The following SEC24C variants were observed in gnomAD, a reference collection of about 807,000 sequenced individuals.
The protein encoded by SEC24C is protein transport protein Sec24C.
Under a neutral mutation model 117.0 loss-of-function variants are expected in SEC24C, and 22 were observed. The ratio of observed to expected loss-of-function variants is 0.19; its 90% confidence interval spans 0.13 to 0.27. SEC24C has a LOEUF of 0.27. Ranked by LOEUF, SEC24C falls within the 10% of genes least tolerant of loss-of-function variation. The pLI is 1.00. For synonymous variants in SEC24C, 506 were observed against 529.4 expected (o/e 0.96, Z 0.61); for missense variants, 1,155 against 1,375.1 (o/e 0.84, Z 2.53).
intron 8 of SEC24C, 127 bp from the exon 9 acceptor site, chr10:73,765,323 TC>T (rs2082865561): frequency 1.0e-6 from 1 of 953,662 alleles, no homozygotes; most frequent in South Asian, 1.7e-5. Context: ...ATCATTGTGC[TC>T]CCTACTCCCT....
At chr10:73,760,950 C>T (rs2082788237) in intron 6 of SEC24C, 101 bp downstream of exon 6, 1 of 1,296,306 alleles carries the variant, frequency 7.7e-7, no homozygotes, top group Middle Eastern at 2.0e-4. Flanking sequence ...GATAATTTTC[C>T]CTTTTTGTTC....
At position 73,766,799 on chromosome 10, in the gene SEC24C, G is replaced by C; in HGVS notation, c.1839G>C (p.Arg613Ser). Residue 613 changes from arginine (R) to serine (S), a missense_variant, in exon 13 of 23, where the codon AGG becomes AGC. Coordinates refer to ENST00000345254, the MANE Select transcript of SEC24C (RefSeq NM_198597.3). Reference sequence around the variant, plus strand: ...TTCCAGAAATGTTTGCAGACACAAGGGAAACAGAGACAGTATTTGTACCAG... The same window carrying C: ...TTCCAGAAATGTTTGCAGACACAAGCGAAACAGAGACAGTATTTGTACCAG... ...DQIPEMFADT[R>S]ETETVFVPVI... 1 of 1,614,200 alleles carries C rather than the reference G, an allele frequency of 6.2e-7. No individual in the cohort carries two copies.
Position 73,769,083 on chromosome 10 carries a change from G to T in SEC24C, c.2355G>T (p.Gly785=), listed in dbSNP as rs766982963. 62 of 1,614,110 alleles carry T rather than the reference G, an allele frequency of 3.8e-5. No homozygotes were observed. Among genetic ancestry groups the T allele is most frequent in the Non-Finnish European group, 5.2e-5 (61 of 1,180,042 alleles). ...ATGTGGAGCTGGCTGGGCTAGATGG[G>T]GACAAAACAGTGACTGTGGAGTTCA... The part of the protein sequence containing the change: ...TTDVELAGLD[G]DKTVTVEFKH... The change falls in exon 17 of 23, where the codon GGG becomes GGT. Residue 785 remains glycine (G), a synonymous_variant. Transcript: ENST00000345254. The surrounding 1 kb of genome is among the most constrained non-coding windows in gnomAD (Gnocchi z 4.5).
chr10:73,770,155 G>A lies in SEC24C; in HGVS notation c.2863-125G>A, dbSNP rs540093790. On this transcript the variant is annotated intron_variant, in intron 20 of 22. Coordinates refer to ENST00000345254, the MANE Select transcript of SEC24C (RefSeq NM_198597.3). The stretch of plus-strand genomic sequence containing the variant: ...AGCTGATGTAATTTTCACACTGAGA[G>A]AGTTACTGAGACCCCAGAAGGGGTG... 2.4e-6 allele frequency: 3 copies of A among 1,235,620 alleles called. No homozygotes were observed. The South Asian group carries it at 4.2e-5, about 17-fold the overall frequency. The allele number at this position is 1,235,620 out of a possible 1,614,324, so 76.5% of individuals were successfully genotyped here.
rs777516553 is a variant in SEC24C, at chr10:73,770,489, A to G, written c.3054+18A>G. ...GTGGTTTGGTGAGGGCAGGGAGTCAAGGAGAATATGGGTGTGGAAGTATAC... is the reference window on the plus strand; with the variant it reads ...GTGGTTTGGTGAGGGCAGGGAGTCAGGGAGAATATGGGTGTGGAAGTATAC... On this transcript the variant is annotated intron_variant, in intron 21 of 22. Transcript: ENST00000345254. 1.2e-6 allele frequency: 2 copies of G among 1,612,822 alleles called. No homozygotes were observed. The highest frequency in any genetic ancestry group is 1.1e-5 in the South Asian group (1 of 91,046).
At chr10:73,747,357 A>G (rs1327933360) in intron 2 of SEC24C, among the ~76,000 whole-genome samples, 1 of 148,996 alleles carries the variant, frequency 6.7e-6, no homozygotes, top group East Asian at 2.0e-4. Context: ...TAATTTTTGT[A>G]TTTTTTTAAT....
At chr10:73,766,237 C>G in intron 11 of SEC24C, 27 bp downstream of exon 11, 2 of 1,604,000 alleles carry the variant, frequency 1.2e-6, no homozygotes, top group Non-Finnish European at 1.7e-6. Flanking sequence ...TGAGGTGTTT[C>G]CTGAGGTTAA....
Position 73,760,392 on chromosome 10 carries a change from T to C in SEC24C, c.850+6T>C. On this transcript the variant is annotated splice_donor_region_variant and intron_variant, in intron 5 of 22. Transcript: ENST00000345254. ...CTATCAGCCCCAACAAAATGGTGAG[T>C]CTTTCCCAAGGTCTGTCTTAGAAGC... is the stretch of plus-strand genomic sequence containing the variant. 6.3e-7 allele frequency: 1 copy of C among 1,580,336 alleles called. No individual in the cohort carries two copies. The highest frequency in any genetic ancestry group is 8.6e-7 in the Non-Finnish European group (1 of 1,164,730).
In SEC24C at chr10:73,746,951, C is replaced by G. The variant is rs1471422562; in HGVS notation, c.119C>G (p.Pro40Arg). Residue 40 changes from proline (P) to arginine (R), a missense_variant, in exon 2 of 23, where the codon CCC (proline) becomes CGC (arginine). Pro to Arg is a moderately radical substitution (Grantham distance 103). Transcript: ENST00000345254. ...TCAGGGTCCACAGCCCCCGCCATTC[C>G]CTATGGAGCCTACAATGGCCCAGTA... ...GQSGSTAPAI[P>R]YGAYNGPVPG... 1 of 1,613,934 alleles carries G rather than the reference C, an allele frequency of 6.2e-7. No individual in the cohort carries two copies. Among genetic ancestry groups the G allele is most frequent in the East Asian group, 2.2e-5 (1 of 44,896 alleles).
At chr10:73,746,168 A>AC (rs1554965913) in intron 1 of SEC24C, among the ~76,000 whole-genome samples, 33 of 151,126 alleles carry the variant, frequency 2.2e-4, no homozygotes, top group Non-Finnish European at 4.3e-4. Flanking sequence ...CAAAAAAAAA[A>AC]AAAAAAAAAA....
chr10:73,762,172 T>A, intron 6 of SEC24C: 1 of 1,289,716 alleles, frequency 7.8e-7, no homozygotes, highest in Non-Finnish European at 1.0e-6. Context: ...GTCCAGTAAG[T>A]GCAGGGGGTG....
At chr10:73,763,051 G>A (rs1050433178) in intron 6 of SEC24C, among the ~76,000 whole-genome samples, 7 of 152,066 alleles carry the variant, frequency 4.6e-5, no homozygotes, top group African/African-American at 7.2e-5. Flanking sequence ...TCATTTTTAC[G>A]TGGTTACTGT....
Position 73,762,183 on chromosome 10 carries a change from G to A in SEC24C, c.988-1307G>A, listed in dbSNP as rs140260098. 11 of 1,288,962 alleles carry A rather than the reference G, an allele frequency of 8.5e-6. No homozygotes were observed. In the African/African-American group the frequency reaches 1.2e-4, roughly 14 times the overall value. The allele number at this position is 1,288,962 out of a possible 1,614,324, so 79.8% of individuals were successfully genotyped here. A position where few individuals can be genotyped will look rare whatever the true frequency, so the allele number is the denominator to read the frequency against. ...CCTAGTCCAGTAAGTGCAGGGGGTGGGTGTTTGTGCATGTCATTCCTGTGT... is the reference window on the plus strand; with the variant it reads ...CCTAGTCCAGTAAGTGCAGGGGGTGAGTGTTTGTGCATGTCATTCCTGTGT... On this transcript the variant is annotated intron_variant, in intron 6 of 22. Transcript: ENST00000345254.
chr10:73,766,053 TC>T, intron 10 of SEC24C, 32 bp from the exon 11 acceptor site: 1 of 1,606,752 alleles, frequency 6.2e-7, no homozygotes, highest in Non-Finnish European at 8.5e-7. Context: ...TGCTTACCAT[TC>T]CCCCTCTCCC....
At position 73,760,141 on chromosome 10, in the gene SEC24C, C is replaced by T. The variant is rs2082774293; in HGVS notation, c.605C>T (p.Pro202Leu). The T allele has an allele frequency of 3.1e-6, 5 of 1,614,092 alleles. No individual in the cohort carries two copies. Among genetic ancestry groups the T allele is most frequent in the African/African-American group, 1.3e-5 (1 of 75,010 alleles). Reference sequence around the variant, plus strand: ...CAAGGTCATCCTGGGATCCAGACTCCCCAGCGATCTGCCCCATCACAGGCC... The same window carrying T: ...CAAGGTCATCCTGGGATCCAGACTCTCCAGCGATCTGCCCCATCACAGGCC... ...QAQGHPGIQTPQRSAPSQASS... is the reference protein window; with the variant it reads ...QAQGHPGIQTLQRSAPSQASS... The change falls in exon 5 of 23, where the codon CCC (proline) becomes CTC (leucine). Residue 202 changes from proline to leucine, a missense_variant. Transcript: ENST00000345254.
At chr10:73,755,569 TGGG>T (rs1294642822) in intron 3 of SEC24C, among the ~76,000 whole-genome samples, 1 of 151,512 alleles carries the variant, frequency 6.6e-6, no homozygotes, top group Non-Finnish European at 1.5e-5. Context: ...CACAGCTACT[TGGG>T]GGGCTGAGGC....
intron 6 of SEC24C, chr10:73,762,048 G>A (rs1212771354): frequency 8.2e-7 from 1 of 1,217,838 alleles, no homozygotes; most frequent in East Asian, 5.7e-5. Context: ...TTGTTCTTTT[G>A]TCTCCCTCCT....
chr10:73,754,835 A>C (rs1464283469), intron 3 of SEC24C, among the ~76,000 whole-genome samples: 1 of 152,186 alleles, frequency 6.6e-6, no homozygotes, highest in Non-Finnish European at 1.5e-5. Context: ...AGGAGCCGCC[A>C]TTAAAAGACA....
At chr10:73,759,539 C>A in intron 3 of SEC24C, 83 bp from the exon 4 acceptor site, 2 of 1,072,146 alleles carry the variant, frequency 1.9e-6, no homozygotes, top group Non-Finnish European at 2.5e-6. Flanking sequence ...AACAATGTAG[C>A]TTCCTGTATG....
Sources: allele counts gnomAD v4.1 joint callset (sites outside exome capture counted in the v4.1 genomes callset), GRCh38; gene constraint gnomAD v4.1.1; non-coding constraint Gnocchi (gnomAD v3.1); transcripts MANE v1.5; gene names NCBI Gene and HGNC (gene_info 2026-07-23, HGNC 2026-07-21).